Variants in KCNIP4 observed in about 807,000 individuals in gnomAD.
KCNIP4 encodes the protein Kv channel-interacting protein 4.
Under a neutral mutation model 34.0 loss-of-function variants are expected in KCNIP4, and 12 were observed. That is an observed-to-expected ratio of 0.35 (90% CI 0.23 to 0.57). KCNIP4 has a LOEUF of 0.57. Among genes scored for constraint, KCNIP4 ranks in the 20% least tolerant of loss-of-function variants. The pLI is 0.83. For synonymous variants in KCNIP4, 124 were observed against 102.2 expected (o/e 1.21, Z -1.29); for missense variants, 238 against 311.7 (o/e 0.76, Z 1.78).
At chr4:21,887,303 C>A (rs1208444426) in intron 1 of KCNIP4, among the ~76,000 whole-genome samples, 1 of 152,062 alleles carries the variant, frequency 6.6e-6, no homozygotes, top group African/African-American at 2.4e-5. Context: ...GACTCTCTCC[C>A]TGGTTTGCAG....
chr4:21,709,633 A>G (rs765737152), intron 1 of KCNIP4, among the ~76,000 whole-genome samples: 2 of 152,222 alleles, frequency 1.3e-5, no homozygotes, highest in Admixed American at 6.5e-5. Flanking sequence ...ATCAACAAAA[A>G]AAACAGGTCT....
chr4:21,745,806 T>C (rs943217808), intron 1 of KCNIP4, among the ~76,000 whole-genome samples: 6 of 152,000 alleles, frequency 3.9e-5, no homozygotes, highest in African/African-American at 7.2e-5. Context: ...TTGCAACAAA[T>C]GTAAGAAGCA....
intron 1 of KCNIP4, among the ~76,000 whole-genome samples, chr4:20,930,798 A>G (rs996735009): frequency 6.6e-6 from 1 of 151,398 alleles, no homozygotes; most frequent in Non-Finnish European, 1.5e-5. Flanking sequence ...AATGAAAACC[A>G]CTATGAGATA....
chr4:21,888,927 C>A (rs973404167), intron 1 of KCNIP4, among the ~76,000 whole-genome samples: 2 of 152,108 alleles, frequency 1.3e-5, no homozygotes, highest in Non-Finnish European at 2.9e-5. Context: ...TTAAGCATAT[C>A]GAATCTGAAA....
At chr4:21,822,753 T>A (rs1178350949) in intron 1 of KCNIP4, among the ~76,000 whole-genome samples, 2 of 151,824 alleles carry the variant, frequency 1.3e-5, no homozygotes, top group African/African-American at 4.8e-5. Context: ...AGTTTCACTT[T>A]TTCACCCAGG....
intron 1 of KCNIP4, among the ~76,000 whole-genome samples, chr4:21,010,387 G>A (rs1201825076): frequency 1.3e-5 from 2 of 152,142 alleles, no homozygotes; most frequent in African/African-American, 4.8e-5. Context: ...GAAGTCCCTT[G>A]GGGAACCACA....
At chr4:20,823,099 C>G (rs969385181) in intron 3 of KCNIP4, among the ~76,000 whole-genome samples, 1 of 152,036 alleles carries the variant, frequency 6.6e-6, no homozygotes, top group Non-Finnish European at 1.5e-5. Flanking sequence ...GCTGCTATAA[C>G]AAAATACTTT....
chr4:21,894,418 C>T (rs765573150), intron 1 of KCNIP4, among the ~76,000 whole-genome samples: 1 of 152,084 alleles, frequency 6.6e-6, no homozygotes, highest in African/African-American at 2.4e-5. Flanking sequence ...TAGAAACTTG[C>T]TTATAGTTAA....
intron 1 of KCNIP4, among the ~76,000 whole-genome samples, chr4:21,446,637 A>T (rs1445903730): frequency 1.7e-5 from 1 of 58,204 alleles, no homozygotes; most frequent in Non-Finnish European, 3.1e-5. Context: ...GGGTGGGGGG[A>T]GGGGGGAGGG....
chr4:20,970,786 C>T (rs1377968351), intron 1 of KCNIP4, among the ~76,000 whole-genome samples: 1 of 152,174 alleles, frequency 6.6e-6, no homozygotes, highest in Non-Finnish European at 1.5e-5. Context: ...TCTGAGTAGC[C>T]TATTGTATTA....
rs563948875 is a variant in KCNIP4, at chr4:21,632,796, C to A, written c.61+315775G>T. ...GGTATCTGGAGCAGGAGATGGAGGT[C>A]CAGCGTAAAGTAATGTCAGCTAAAT... On this transcript the variant is annotated intron_variant, in intron 1 of 8. Coordinates refer to ENST00000382152, the MANE Select transcript of KCNIP4 (RefSeq NM_025221.6). Among the ~76,000 whole-genome samples the A allele has an allele frequency of 2.0e-4, 30 of 152,180 alleles. 2 individuals are homozygous for A. The East Asian group carries it at 3.7e-3, about 19-fold the overall frequency.
intron 1 of KCNIP4, among the ~76,000 whole-genome samples, chr4:21,875,313 A>G (rs1726046615): frequency 1.3e-5 from 2 of 152,196 alleles, no homozygotes; most frequent in South Asian, 4.1e-4. Flanking sequence ...CTGATTCTTC[A>G]TTAGACACAG....
At chr4:21,853,547 C>G (rs1724548878) in intron 1 of KCNIP4, among the ~76,000 whole-genome samples, 1 of 152,120 alleles carries the variant, frequency 6.6e-6, no homozygotes, top group Non-Finnish European at 1.5e-5. Flanking sequence ...ATTTTCTGAG[C>G]ACCCTCATGA....
At chr4:21,289,439 G>C (rs1763307697) in intron 1 of KCNIP4, among the ~76,000 whole-genome samples, 2 of 152,012 alleles carry the variant, frequency 1.3e-5, no homozygotes, top group South Asian at 4.1e-4. Flanking sequence ...CCATAGCATA[G>C]AGCCCCAAAG....
Position 21,908,623 on chromosome 4 carries a change from A to G in KCNIP4, c.61+39948T>C, listed in dbSNP as rs571780904. ...CACAGTGAAAGGTATCTGGAATATA[A>G]CGGACTGAACTAAGAGTTCCCAACA... On this transcript the variant is annotated intron_variant, in intron 1 of 8. Transcript: ENST00000382152. Among the ~76,000 whole-genome samples the G allele has an allele frequency of 4.3e-4, 65 of 152,292 alleles. 1 individual carries two copies. The highest frequency in any genetic ancestry group is 1.5e-3 in the African/African-American group (64 of 41,550).
At chr4:20,787,967 TC>T (rs930509755) in intron 3 of KCNIP4, among the ~76,000 whole-genome samples, 2 of 152,178 alleles carry the variant, frequency 1.3e-5, no homozygotes, top group Non-Finnish European at 2.9e-5. Flanking sequence ...AAGTAATAGT[TC>T]TTTTTCTCCC....
intron 1 of KCNIP4, among the ~76,000 whole-genome samples, chr4:21,423,168 T>C (rs1032974236): frequency 4.6e-5 from 7 of 152,172 alleles, no homozygotes; most frequent in African/African-American, 1.7e-4. Context: ...TCTTTTGCAC[T>C]CAGACGCTAT....
chr4:21,656,920 C>A (rs1824371), intron 1 of KCNIP4: 48,098 of 151,892 alleles, frequency 0.32, 9,078 homozygotes, highest in East Asian at 0.71. Flanking sequence ...TACATCTGAG[C>A]CTTTGCACAC....
intron 2 of KCNIP4, among the ~76,000 whole-genome samples, chr4:20,870,786 T>G (rs1723372842): frequency 6.6e-6 from 1 of 152,134 alleles, no homozygotes; most frequent in Non-Finnish European, 1.5e-5. Context: ...TCCTGAATGG[T>G]TTGCTATTCC....
Sources: gnomAD v4.1 joint callset for allele counts (sites outside exome capture counted in the v4.1 genomes callset) on GRCh38, gnomAD v4.1.1 for gene constraint, MANE v1.5 for transcripts, NCBI Gene and HGNC (gene_info 2026-07-23, HGNC 2026-07-21) for gene names.